ANKRD30BL: variants seen among roughly 807,000 people sequenced by gnomAD.
ANKRD30BL encodes putative ankyrin repeat domain-containing protein 30B-like.
A neutral mutation model predicts 18.4 loss-of-function variants in ANKRD30BL; 20 were observed. That is an observed-to-expected ratio of 1.09 (90% CI 0.77 to 1.58). The LOEUF (loss-of-function observed/expected upper bound fraction) is 1.58. ANKRD30BL is among the 40% of genes most tolerant of loss of function. ANKRD30BL has a pLI of 0.00. For synonymous variants in ANKRD30BL, 72 were observed against 100.9 expected (o/e 0.71, Z 1.72); for missense variants, 224 against 268.6 (o/e 0.83, Z 1.16).
At chr2:132,150,857 C>T in intron 5 of ANKRD30BL, 55 bp downstream of exon 5, 1 of 550,316 alleles carries the variant, frequency 1.8e-6, no homozygotes, top group Non-Finnish European at 3.2e-6. Context: ...GTGATTAACA[C>T]TCCTATAATC....
intron 1 of ANKRD30BL, among the ~76,000 whole-genome samples, chr2:132,248,388 C>G (rs1317530887): frequency 1.3e-5 from 2 of 152,128 alleles, no homozygotes; most frequent in African/African-American, 4.8e-5. Flanking sequence ...GAGATGAATG[C>G]AAACATCATA....
intron 1 of ANKRD30BL, among the ~76,000 whole-genome samples, chr2:132,237,728 G>C (rs111837501): frequency 2.2e-4 from 33 of 152,132 alleles, no homozygotes; most frequent in African/African-American, 7.5e-4. Context: ...CACTCTTTTT[G>C]TAGAATCTGT....
At chr2:132,171,461 G>A (rs1173966853) in intron 1 of ANKRD30BL, among the ~76,000 whole-genome samples, 3 of 152,042 alleles carry the variant, frequency 2.0e-5, no homozygotes, top group Admixed American at 1.3e-4. Flanking sequence ...AAAAGACAAT[G>A]CCAGACCTTA....
chr2:132,188,613 G>A (rs1434301302), intron 1 of ANKRD30BL, among the ~76,000 whole-genome samples: 1 of 152,094 alleles, frequency 6.6e-6, no homozygotes, highest in African/African-American at 2.4e-5. Flanking sequence ...AGGAGGTTGA[G>A]GCAGGAGAAT....
At chr2:132,192,112 A>C (rs1678869055) in intron 1 of ANKRD30BL, among the ~76,000 whole-genome samples, 1 of 152,112 alleles carries the variant, frequency 6.6e-6, no homozygotes, top group Non-Finnish European at 1.5e-5. Flanking sequence ...GACCATATTT[A>C]TATCTATCCA....
intron 1 of ANKRD30BL, among the ~76,000 whole-genome samples, chr2:132,255,721 C>T (rs1680812757): frequency 6.6e-6 from 1 of 152,176 alleles, no homozygotes. Flanking sequence ...TGAGTGTCTG[C>T]TGCCTTCCTT....
chr2:132,257,096 A>C (rs749033491), intron 1 of ANKRD30BL: 1 of 487,390 alleles, frequency 2.1e-6, no homozygotes. Flanking sequence ...GACCCGCCTC[A>C]TGAGCCCCAG....
At chr2:132,150,813 G>T (rs1687736896) in intron 5 of ANKRD30BL, 99 bp downstream of exon 5, 1 of 444,022 alleles carries the variant, frequency 2.3e-6, no homozygotes, top group Admixed American at 4.5e-5. Context: ...GTAAACACAT[G>T]CTACTTACAC....
chr2:132,248,503 A>G (rs1214765910), intron 1 of ANKRD30BL, among the ~76,000 whole-genome samples: 1 of 152,148 alleles, frequency 6.6e-6, no homozygotes, highest in Non-Finnish European at 1.5e-5. Flanking sequence ...ATTCTCTGAA[A>G]AGACTCTTTC....
At chr2:132,149,434 G>A (rs1373741295) in intron 5 of ANKRD30BL, among the ~76,000 whole-genome samples, 2 of 152,140 alleles carry the variant, frequency 1.3e-5, no homozygotes, top group African/African-American at 2.4e-5. Flanking sequence ...TGATAATAGT[G>A]AGACCTTGTT....
At chr2:132,253,750 TCCTTAAA>T (rs1680735430) in intron 1 of ANKRD30BL, among the ~76,000 whole-genome samples, 1 of 149,144 alleles carries the variant, frequency 6.7e-6, no homozygotes. Flanking sequence ...CCTCAAGGGG[TCCTTAAA>T]CCTCTGCACC....
At chr2:132,234,429 T>C (rs1234824465) in intron 1 of ANKRD30BL, among the ~76,000 whole-genome samples, 2 of 151,796 alleles carry the variant, frequency 1.3e-5, no homozygotes, top group Non-Finnish European at 2.9e-5. Context: ...ACAAAATTGA[T>C]AGACAGCTAG....
intron 1 of ANKRD30BL, among the ~76,000 whole-genome samples, chr2:132,235,346 G>A (rs1400117857): frequency 1.3e-5 from 2 of 152,136 alleles, no homozygotes; most frequent in South Asian, 4.1e-4. Context: ...AGGGCAACTA[G>A]GCAGGAGAAG....
At chr2:132,148,956 G>A (rs1054789580) in intron 5 of ANKRD30BL, among the ~76,000 whole-genome samples, 2 of 152,114 alleles carry the variant, frequency 1.3e-5, no homozygotes, top group Non-Finnish European at 2.9e-5. Flanking sequence ...TGGACAAGTG[G>A]ATAAACAAAT....
At chr2:132,241,837 G>A (rs201689760) in intron 1 of ANKRD30BL, among the ~76,000 whole-genome samples, 34 of 148,450 alleles carry the variant, frequency 2.3e-4, no homozygotes, top group South Asian at 4.3e-4. Flanking sequence ...TGAGGCTTTC[G>A]TTGGAAACGG....
chr2:132,257,384 G>C, intron 1 of ANKRD30BL: 2 of 334,824 alleles, frequency 6.0e-6, no homozygotes, highest in Non-Finnish European at 1.1e-5. Flanking sequence ...CGCTCACGCA[G>C]CCTCCCAACC....
At chr2:132,256,223 AG>A (rs1173213793) in intron 1 of ANKRD30BL, among the ~76,000 whole-genome samples, 2 of 151,828 alleles carry the variant, frequency 1.3e-5, no homozygotes, top group African/African-American at 2.4e-5. Context: ...GGGACTCGCG[AG>A]GATGAGCCCG....
In ANKRD30BL at chr2:132,161,770, G is replaced by GCTCGCC. The variant is rs1174290032; in HGVS notation, c.-71_-66dup. ...TGCTCGCCCTTCCCCAGTCCCCGCC[G>GCTCGCC]CTCGCCCTCGCCCTTCTTCAGTCCC... is the stretch of plus-strand genomic sequence containing the variant. On this transcript the variant is annotated 5_prime_UTR_variant, in exon 1 of 6. Transcript: ENST00000409867. 1.2e-5 allele frequency: 9 copies of GCTCGCC among 741,950 alleles called. No homozygotes were observed. Among genetic ancestry groups the GCTCGCC allele is most frequent in the Non-Finnish European group, 2.1e-5 (9 of 430,318 alleles). The allele number at this position is 741,950 out of a possible 1,614,324, so 46.0% of individuals were successfully genotyped here. A position where few individuals can be genotyped will look rare whatever the true frequency, so the allele number is the denominator to read the frequency against.
At chr2:132,219,172 C>T (rs528540922) in intron 1 of ANKRD30BL, among the ~76,000 whole-genome samples, 2 of 152,200 alleles carry the variant, frequency 1.3e-5, no homozygotes, top group South Asian at 4.1e-4. Context: ...GAAGCATTCT[C>T]AGAAACTTCT....
Sources: allele counts gnomAD v4.1 joint callset (sites outside exome capture counted in the v4.1 genomes callset), GRCh38; gene constraint gnomAD v4.1.1; transcripts MANE v1.5; gene names NCBI Gene and HGNC (gene_info 2026-07-23, HGNC 2026-07-21).